Variants in NSF observed in about 807,000 individuals in gnomAD.
NSF encodes the protein vesicle-fusing ATPase.
Under a neutral mutation model 50.3 loss-of-function variants are expected in NSF, and 14 were observed. The ratio of observed to expected loss-of-function variants is 0.28; its 90% CI spans 0.18 to 0.44. The LOEUF (loss-of-function observed/expected upper bound fraction) is 0.44, where lower values mean the gene tolerates loss of function less well. NSF is among the 20% of genes least tolerant of loss of function. NSF has a pLI of 1.00. For synonymous variants in NSF, 109 were observed against 175.7 expected (o/e 0.62, Z 3.00); for missense variants, 218 against 504.3 (o/e 0.43, Z 5.44).
chr17:46,740,379 C>G (rs1485193351), intron 17 of NSF, among the ~76,000 whole-genome samples: 1 of 152,044 alleles, frequency 6.6e-6, no homozygotes, highest in South Asian at 2.1e-4. Context: ...CTGGAGAAAG[C>G]ATTTTAATAA....
intron 19 of NSF, among the ~76,000 whole-genome samples, chr17:46,752,326 T>A (rs2059189032): frequency 6.6e-6 from 1 of 152,142 alleles, no homozygotes; most frequent in African/African-American, 2.4e-5. Flanking sequence ...TGTCCTTATC[T>A]GACATACTAG....
chr17:46,713,993 A>C lies in NSF; in HGVS notation c.1761+7A>C. 1 of 1,596,570 alleles carries C rather than the reference A, an allele frequency of 6.3e-7. No homozygotes were observed. The highest frequency in any genetic ancestry group is 8.5e-7 in the Non-Finnish European group (1 of 1,175,332). On this transcript the variant is annotated splice_region_variant and intron_variant, in intron 15 of 20. Transcript: ENST00000398238. ...ATGTCAGGCCATGAAGAAGGTATCA[A>C]GATTTTACTTTCATTTTAATTTCCT...
At chr17:46,715,377 C>G (rs1398888757) in intron 15 of NSF, among the ~76,000 whole-genome samples, 4 of 152,152 alleles carry the variant, frequency 2.6e-5, no homozygotes, top group Admixed American at 2.6e-4. Context: ...AACCCTTAAC[C>G]CACTTCTTCT....
At chr17:46,621,395 T>C (rs2146132510) in intron 1 of NSF, among the ~76,000 whole-genome samples, 1 of 128,614 alleles carries the variant, frequency 7.8e-6, no homozygotes, top group East Asian at 2.3e-4. Context: ...CACGCCTTTC[T>C]CCTGCCTCAG....
chr17:46,754,691 C>T (rs1050577167), intron 19 of NSF, among the ~76,000 whole-genome samples: 4 of 152,164 alleles, frequency 2.6e-5, no homozygotes, highest in Admixed American at 6.5e-5. Flanking sequence ...AACAAAGTTG[C>T]GCCATCTTTT....
intron 1 of NSF, chr17:46,602,409 G>A (rs1048250158): frequency 4.8e-5 from 1 of 20,710 alleles, no homozygotes; most frequent in Non-Finnish European, 9.2e-5. Context: ...TATGAGTAAT[G>A]CAGGGTATTT....
chr17:46,716,061 T>A (rs556371182), intron 15 of NSF, among the ~76,000 whole-genome samples: 17 of 152,316 alleles, frequency 1.1e-4, no homozygotes, highest in African/African-American at 3.8e-4. Flanking sequence ...ATAGGTTTCT[T>A]AGAAATATAT....
intron 13 of NSF, 129 bp downstream of exon 13, chr17:46,704,983 T>C (rs2058645256): frequency 1.5e-6 from 1 of 674,836 alleles, no homozygotes; most frequent in Non-Finnish European, 2.3e-6. Context: ...AATGAGAAAA[T>C]TTTAGTATTG....
chr17:46,722,807 G>A (rs982580492), intron 15 of NSF, among the ~76,000 whole-genome samples: 1 of 152,166 alleles, frequency 6.6e-6, no homozygotes, highest in Non-Finnish European at 1.5e-5. Flanking sequence ...GTAGCTACCC[G>A]GAGGAGTTTC....
intron 16 of NSF, among the ~76,000 whole-genome samples, chr17:46,727,380 G>A (rs548257619): frequency 2.0e-5 from 3 of 152,054 alleles, no homozygotes; most frequent in Non-Finnish European, 4.4e-5. Flanking sequence ...TCAGGAAGGG[G>A]TAATACACTC....
At chr17:46,744,863 A>G (rs1279397870) in intron 17 of NSF, among the ~76,000 whole-genome samples, 1 of 152,206 alleles carries the variant, frequency 6.6e-6, no homozygotes, top group African/African-American at 2.4e-5. Context: ...GTTGCTGCTT[A>G]TGGTACTAAG....
At chr17:46,742,485 G>T (rs1158281972) in intron 17 of NSF, among the ~76,000 whole-genome samples, 3 of 152,212 alleles carry the variant, frequency 2.0e-5, no homozygotes, top group Admixed American at 6.5e-5. Context: ...TCCTGATGAA[G>T]GAGAACTAGC....
intron 15 of NSF, among the ~76,000 whole-genome samples, chr17:46,717,756 G>A (rs1202658267): frequency 1.3e-5 from 2 of 152,236 alleles, no homozygotes; most frequent in South Asian, 2.1e-4. Flanking sequence ...TGGGCCTGGT[G>A]GCAGTGGCGG....
intron 13 of NSF, among the ~76,000 whole-genome samples, chr17:46,708,729 A>G (rs1211480354): frequency 1.3e-5 from 2 of 148,300 alleles, no homozygotes; most frequent in Non-Finnish European, 3.0e-5. Flanking sequence ...CCTGACCTCA[A>G]GCGATCCACC....
chr17:46,737,418 C>G (rs2146312760), intron 17 of NSF, among the ~76,000 whole-genome samples: 1 of 152,274 alleles, frequency 6.6e-6, no homozygotes, highest in Admixed American at 6.5e-5. Flanking sequence ...CAGACTTATA[C>G]TCAGGTATTT....
At chr17:46,679,605 T>A (rs1003951152) in intron 9 of NSF, among the ~76,000 whole-genome samples, 2 of 136,230 alleles carry the variant, frequency 1.5e-5, no homozygotes, top group Admixed American at 7.4e-5. Flanking sequence ...GGCAGGAGAA[T>A]TGCTTGAACC....
chr17:46,722,301 T>A, intron 15 of NSF: 1 of 757,802 alleles, frequency 1.3e-6, no homozygotes, highest in Non-Finnish European at 2.3e-6. Flanking sequence ...CCTTCTTACC[T>A]CCAGCCTCAG....
chr17:46,605,846 G>T (rs1296718775), intron 1 of NSF, among the ~76,000 whole-genome samples: 1 of 47,554 alleles, frequency 2.1e-5, no homozygotes, highest in Non-Finnish European at 3.5e-5. Flanking sequence ...GTATGCGGAG[G>T]TTTTAAAAAT....
At position 46,757,386 on chromosome 17, in the gene NSF, G is replaced by A. The variant is rs553986045; in HGVS notation, c.*1563G>A. 16 of 152,510 alleles carry A rather than the reference G, an allele frequency of 1.0e-4. No homozygotes were observed. Among genetic ancestry groups the A allele is most frequent in the Admixed American group, 8.5e-4 (13 of 15,270 alleles). The allele number at this position is 152,510 out of a possible 1,614,324, so 9.4% of individuals were successfully genotyped here. ...TGTTAAATGAGCTTAATGTCTTTGTGTTTTGTCCAAAACTGTATTGAAAAA... is the reference window on the plus strand; with the variant it reads ...TGTTAAATGAGCTTAATGTCTTTGTATTTTGTCCAAAACTGTATTGAAAAA... On this transcript the variant is annotated 3_prime_UTR_variant, in exon 21 of 21. Transcript: ENST00000398238.
Sources: gnomAD v4.1 joint callset for allele counts (sites outside exome capture counted in the v4.1 genomes callset) on GRCh38, gnomAD v4.1.1 for gene constraint, MANE v1.5 for transcripts, NCBI Gene and HGNC (gene_info 2026-07-23, HGNC 2026-07-21) for gene names.